Variants in GRM7 observed in about 807,000 individuals in gnomAD.
GRM7 encodes the protein metabotropic glutamate receptor 7.
GRM7 carries 35 observed loss-of-function variants against 84.5 expected under a neutral mutation model. That is an observed-to-expected ratio of 0.41 (90% confidence interval 0.32 to 0.55). GRM7 has a LOEUF of 0.55. GRM7 is among the 20% of genes least tolerant of loss of function. The pLI, the probability that GRM7 is intolerant of heterozygous loss-of-function variation, is 0.19. For synonymous variants in GRM7, 487 were observed against 455.1 expected, an observed-to-expected ratio of 1.07 and a Z score of -0.89; for missense variants, 1,003 against 1,194.6, an observed-to-expected ratio of 0.84 and a Z score of 2.36.
intron 8 of GRM7, among the ~76,000 whole-genome samples, chr3:7,674,314 C>T (rs944900946): frequency 1.1e-4 from 16 of 151,890 alleles, no homozygotes; most frequent in African/African-American, 3.4e-4. Context: ...GCCTCAGCCT[C>T]CCGAGTAGCT....
At chr3:7,484,598 T>A (rs1699253917) in intron 7 of GRM7, among the ~76,000 whole-genome samples, 3 of 152,172 alleles carry the variant, frequency 2.0e-5, no homozygotes, top group Admixed American at 6.5e-5. Flanking sequence ...GCTTGGTACA[T>A]CCTCCATGCA....
At chr3:7,053,951 T>C (rs1233946864) in intron 1 of GRM7, among the ~76,000 whole-genome samples, 1 of 151,248 alleles carries the variant, frequency 6.6e-6, no homozygotes. Flanking sequence ...ATACAAACTC[T>C]TACTGTGACA....
At chr3:7,014,679 C>T (rs962639929) in intron 1 of GRM7, among the ~76,000 whole-genome samples, 1 of 152,140 alleles carries the variant, frequency 6.6e-6, no homozygotes, top group African/African-American at 2.4e-5. Flanking sequence ...TGTTCTGCCT[C>T]AAGTCATTTG....
rs183147548 is a variant in GRM7, at chr3:7,096,312, A to T, written c.520-50140A>T. 3.9e-5 allele frequency among the ~76,000 whole-genome samples: 6 copies of T among 152,178 alleles called. No individual in the cohort carries two copies. In the East Asian group the frequency reaches 1.2e-3, roughly 30 times the overall value. On this transcript the variant is annotated intron_variant, in intron 1 of 9. Transcript: ENST00000357716. ...AGACTGTCTTTAATTCAATAGCCAT[A>T]CTTTGAGGGTCCCCAGGACACCTGT...
chr3:6,924,426 A>T (rs1362388160), intron 1 of GRM7, among the ~76,000 whole-genome samples: 1 of 152,180 alleles, frequency 6.6e-6, no homozygotes, highest in Non-Finnish European at 1.5e-5. Context: ...GGGGAACTTT[A>T]AAAAATCTTA....
chr3:7,477,072 C>A (rs1470660268), intron 7 of GRM7, among the ~76,000 whole-genome samples: 2 of 152,174 alleles, frequency 1.3e-5, no homozygotes, highest in African/African-American at 2.4e-5. Context: ...AGACATCAAA[C>A]TGATGCTTGA....
chr3:7,017,977 G>A (rs1575135215), intron 1 of GRM7, among the ~76,000 whole-genome samples: 1 of 152,180 alleles, frequency 6.6e-6, no homozygotes, highest in East Asian at 1.9e-4. Flanking sequence ...AAAAGGGAAA[G>A]ATGATTTATT....
chr3:6,866,455 G>A (rs1396288095), intron 1 of GRM7, among the ~76,000 whole-genome samples: 1 of 151,978 alleles, frequency 6.6e-6, no homozygotes, highest in Non-Finnish European at 1.5e-5. Flanking sequence ...CCCACTTTTG[G>A]TGAGTTTGTG....
rs369866926 is a variant in GRM7, at chr3:7,568,700, G to A, written c.1516-9722G>A. Among the ~76,000 whole-genome samples, 1,520 of 152,246 alleles carry A rather than the reference G, an allele frequency of 1.0e-2. 11 individuals carry two copies. The highest frequency in any genetic ancestry group is 0.015 in the Non-Finnish European group (1,046 of 67,980). On this transcript the variant is annotated intron_variant, in intron 7 of 9. Transcript: ENST00000357716. ...GGCCCAGCACTCAGAGCAGCGGGCC[G>A]GCCCTGCCGGCCCTGGGCAATGAGG...
At chr3:6,893,625 C>A (rs1005252340) in intron 1 of GRM7, among the ~76,000 whole-genome samples, 1 of 152,126 alleles carries the variant, frequency 6.6e-6, no homozygotes, top group African/African-American at 2.4e-5. Context: ...ATACACCTCT[C>A]AGCATTTGAA....
At chr3:7,003,256 A>G (rs1695075161) in intron 1 of GRM7, among the ~76,000 whole-genome samples, 4 of 152,176 alleles carry the variant, frequency 2.6e-5, no homozygotes, top group Admixed American at 1.3e-4. Context: ...CTCACCACAA[A>G]AAATAAAGGA....
At chr3:7,284,285 C>CGTGTGTGT (rs138776968) in intron 2 of GRM7, among the ~76,000 whole-genome samples, 1,899 of 131,096 alleles carry the variant, frequency 0.014, 30 homozygotes, top group East Asian at 0.041. Context: ...CATGCTCACT[C>CGTGTGTGT]GTGTGTGTGT....
intron 1 of GRM7, among the ~76,000 whole-genome samples, chr3:7,103,421 G>A (rs1467666313): frequency 2.0e-5 from 3 of 151,676 alleles, no homozygotes; most frequent in South Asian, 2.1e-4. Flanking sequence ...TTCAAACTTC[G>A]AGCTGTTGCT....
At chr3:7,588,663 A>T (rs1695632464) in intron 8 of GRM7, among the ~76,000 whole-genome samples, 1 of 152,182 alleles carries the variant, frequency 6.6e-6, no homozygotes, top group Non-Finnish European at 1.5e-5. Flanking sequence ...TGTAAAAGAC[A>T]AGTTCATGCC....
intron 7 of GRM7, among the ~76,000 whole-genome samples, chr3:7,522,145 G>T (rs567191855): frequency 2.6e-5 from 4 of 152,216 alleles, no homozygotes; most frequent in Admixed American, 2.6e-4. Context: ...TGGAAATAAA[G>T]GGAAAATGGT....
At chr3:7,042,529 T>A (rs2124943078) in intron 1 of GRM7, among the ~76,000 whole-genome samples, 1 of 152,308 alleles carries the variant, frequency 6.6e-6, no homozygotes, top group African/African-American at 2.4e-5. Context: ...CATTCTTTCT[T>A]TTTCTCTGTG....
intron 6 of GRM7, among the ~76,000 whole-genome samples, chr3:7,461,078 T>C (rs1010654624): frequency 2.0e-5 from 3 of 152,216 alleles, no homozygotes; most frequent in Non-Finnish European, 4.4e-5. Context: ...ACATTTTAAA[T>C]ACAATGAGTA....
At chr3:7,410,721 A>G (rs914172896) in intron 4 of GRM7, among the ~76,000 whole-genome samples, 2 of 152,036 alleles carry the variant, frequency 1.3e-5, no homozygotes, top group African/African-American at 4.8e-5. Context: ...ACAAGTCTAT[A>G]TGTTAAATAT....
In GRM7 at chr3:7,137,905, A is replaced by G. The variant is rs144832779; in HGVS notation, c.520-8547A>G. Reference sequence around the variant, plus strand: ...GTCAGTTCATTCAAACTGAGAAATAACATAGTAACTTGAAGACAACACATC... The same window carrying G: ...GTCAGTTCATTCAAACTGAGAAATAGCATAGTAACTTGAAGACAACACATC... On this transcript the variant is annotated intron_variant, in intron 1 of 9. Coordinates refer to ENST00000357716, the MANE Select transcript of GRM7 (RefSeq NM_000844.4). Among the ~76,000 whole-genome samples the G allele has an allele frequency of 2.4e-3, 358 of 152,274 alleles. 1 individual carries two copies. Among genetic ancestry groups the G allele is most frequent in the Admixed American group, 3.6e-3 (55 of 15,268 alleles).
Sources: gnomAD v4.1 joint callset for allele counts (sites outside exome capture counted in the v4.1 genomes callset) on GRCh38, gnomAD v4.1.1 for gene constraint, MANE v1.5 for transcripts, NCBI Gene and HGNC (gene_info 2026-07-23, HGNC 2026-07-21) for gene names.